Variants in PCLO observed in about 807,000 individuals in gnomAD.
The protein encoded by PCLO is protein piccolo.
PCLO carries 82 observed loss-of-function variants against 427.5 expected under a neutral mutation model. The ratio of observed to expected loss-of-function variants is 0.19; its 90% CI spans 0.16 to 0.23. PCLO has a LOEUF of 0.23. PCLO is among the 10% of genes least tolerant of loss of function. PCLO has a pLI of 1.00. For missense variants in PCLO, 6,239 were observed against 6,115.9 expected (o/e 1.02, Z -0.67); for synonymous variants, 2,357 against 2,155.4 (o/e 1.09, Z -2.59).
chr7:83,005,944 G>A (rs1449873630), intron 3 of PCLO, among the ~76,000 whole-genome samples: 1 of 151,612 alleles, frequency 6.6e-6, no homozygotes, highest in Non-Finnish European at 1.5e-5. Context: ...AGCCATTACA[G>A]TAAAATATAG....
intron 3 of PCLO, among the ~76,000 whole-genome samples, chr7:83,005,409 C>T (rs925954328): frequency 6.6e-5 from 10 of 151,378 alleles, no homozygotes; most frequent in African/African-American, 2.4e-4. Flanking sequence ...CTGCCAGGGG[C>T]TGGAAGTTGA....
At chr7:82,760,416 A>C (rs575552057) in intron 24 of PCLO, among the ~76,000 whole-genome samples, 1 of 152,064 alleles carries the variant, frequency 6.6e-6, no homozygotes, top group East Asian at 1.9e-4. Flanking sequence ...AATCTATGTA[A>C]AATAAACTCC....
intron 3 of PCLO, among the ~76,000 whole-genome samples, chr7:82,978,857 A>AAACAC (rs1562896084): frequency 1.6e-3 from 221 of 138,676 alleles, no homozygotes; most frequent in Middle Eastern, 3.5e-3. Flanking sequence ...CACACACACA[A>AAACAC]ACACACACAC....
chr7:83,155,444 C>A lies in PCLO; in HGVS notation c.1197G>T (p.Lys399Asn), dbSNP rs368626441. The A allele has an allele frequency of 3.1e-6, 5 of 1,613,600 alleles. No homozygotes were observed. The African/African-American group carries it at 6.7e-5, about 22-fold the overall frequency. Residue 399 changes from lysine to asparagine, a missense_variant, in exon 2 of 25, where the codon AAG becomes AAT. Transcript: ENST00000333891. ...CTGGCCCTGGCTGTTGAGCTGGAGT[C>A]TTTCCAACTCCAGGAGGCTGAGCTA... ...KALAQPPGVG[K>N]TPAQQPGPAK... is the part of the protein sequence containing the mutation.
In PCLO at chr7:82,949,687, T is replaced by C; in HGVS notation, c.10901A>G (p.Lys3634Arg). 1.2e-6 allele frequency: 2 copies of C among 1,613,802 alleles called. No homozygotes were observed. Among genetic ancestry groups the C allele is most frequent in the Non-Finnish European group, 1.7e-6 (2 of 1,179,836 alleles). Residue 3634 changes from lysine (K) to arginine (R), a missense_variant, in exon 6 of 25, where the codon AAA becomes AGA. This residue lies in a region of PCLO where 4,677 missense variants were observed against 4,468.4 expected (regional missense o/e 1.05). Coordinates refer to ENST00000333891, the MANE Select transcript of PCLO (RefSeq NM_033026.6). The part of the protein sequence containing the change: ...YSPISPLSPG[K>R]ALESAFVPYE... ...AGGTACAAAGGCTGATTCTAAGGCT[T>C]TGCCTGGTGAAAGTGGTGAGATGGG...
intron 3 of PCLO, among the ~76,000 whole-genome samples, chr7:83,005,567 C>A (rs1272045424): frequency 1.3e-5 from 2 of 151,434 alleles, no homozygotes; most frequent in African/African-American, 4.8e-5. Context: ...ATCTTAAGTA[C>A]CCTCACCACC....
At chr7:83,130,314 G>C (rs1370779715) in intron 3 of PCLO, among the ~76,000 whole-genome samples, 1 of 152,138 alleles carries the variant, frequency 6.6e-6, no homozygotes, top group African/African-American at 2.4e-5. Context: ...TGAGTAGCTA[G>C]GACTACAGGC....
intron 12 of PCLO, 150 bp downstream of exon 12, chr7:82,846,417 T>C (rs1792503093): frequency 1.7e-6 from 1 of 602,056 alleles, no homozygotes; most frequent in Non-Finnish European, 2.9e-6. Flanking sequence ...TTTATAATTA[T>C]ATAAATACAT....
chr7:82,953,827 A>T lies in PCLO; in HGVS notation c.7126T>A (p.Leu2376Ile). 1 of 1,612,220 alleles carries T rather than the reference A, an allele frequency of 6.2e-7. No individual in the cohort carries two copies. The highest frequency in any genetic ancestry group is 8.5e-7 in the Non-Finnish European group (1 of 1,178,924). The change falls in exon 5 of 25, where the codon TTA becomes ATA. Residue 2376 changes from leucine to isoleucine, a missense_variant. Physicochemically the swap from Leu to Ile is conservative, Grantham distance 5. Coordinates refer to ENST00000333891, the MANE Select transcript of PCLO (RefSeq NM_033026.6). ...GAAACAGAAGGACTGCCAGATGGTA[A>T]CTGAGATGCAGGTTTTTCCTGACCA... ...TFGQEKPASQ[L>I]PSGSPSVSSL...
chr7:82,967,136 T>C (rs1481057542), intron 3 of PCLO, among the ~76,000 whole-genome samples: 1 of 151,950 alleles, frequency 6.6e-6, no homozygotes, highest in African/African-American at 2.4e-5. Context: ...GTCTCAATTA[T>C]TTGGTATCTT....
rs1158699950 is a variant in PCLO, at chr7:83,154,810, T to C, written c.1831A>G (p.Thr611Ala). ...CTACAGACAGTGGTTTGACACTCAGTGCATGTGTTAAAATTGGCCTTTTCT... is the reference window on the plus strand; with the variant it reads ...CTACAGACAGTGGTTTGACACTCAGCGCATGTGTTAAAATTGGCCTTTTCT... ...VPEKANFNTC[T>A]ECQTTVCSLC... is the part of the protein sequence containing the mutation. Residue 611 changes from threonine (T) to alanine (A), a missense_variant, in exon 2 of 25, where the codon ACT becomes GCT. Coordinates refer to ENST00000333891, the MANE Select transcript of PCLO (RefSeq NM_033026.6). The C allele has an allele frequency of 6.2e-7, 1 of 1,613,866 alleles. No individual in the cohort carries two copies. The highest frequency in any genetic ancestry group is 1.3e-5 in the African/African-American group (1 of 74,924).
At chr7:82,815,566 A>G (rs898253128) in intron 20 of PCLO, among the ~76,000 whole-genome samples, 2 of 152,124 alleles carry the variant, frequency 1.3e-5, no homozygotes, top group Non-Finnish European at 2.9e-5. Context: ...ATGGTTTTCA[A>G]TTTGAAATGT....
At chr7:83,085,339 T>C (rs1303822270) in intron 3 of PCLO, among the ~76,000 whole-genome samples, 2 of 152,140 alleles carry the variant, frequency 1.3e-5, no homozygotes, top group African/African-American at 4.8e-5. Flanking sequence ...TTAATTGCTG[T>C]TTTTTCATGA....
rs192741758 is a variant in PCLO at position 82,899,524 on chromosome 7, A to G, written c.13528+3127T>C. Among the ~76,000 whole-genome samples, 185 of 151,676 alleles carry G rather than the reference A, an allele frequency of 1.2e-3. 1 individual carries two copies. Among genetic ancestry groups the G allele is most frequent in the Admixed American group, 3.6e-3 (55 of 15,170 alleles). ...TTTTCCTAAGACATATGGAAAATAT[A>G]TTCAGTAGTAATCAATACAGGGTAA... On this transcript the variant is annotated intron_variant, in intron 9 of 24. Coordinates refer to ENST00000333891, the MANE Select transcript of PCLO (RefSeq NM_033026.6).
At chr7:82,883,068 G>T (rs1295830172) in intron 9 of PCLO, among the ~76,000 whole-genome samples, 1 of 152,006 alleles carries the variant, frequency 6.6e-6, no homozygotes, top group Admixed American at 6.6e-5. Flanking sequence ...TCAACGGAAA[G>T]CAAAATTGGT....
At chr7:82,818,168 C>T (rs1008430782) in intron 20 of PCLO, among the ~76,000 whole-genome samples, 2 of 152,104 alleles carry the variant, frequency 1.3e-5, no homozygotes, top group Non-Finnish European at 2.9e-5. Context: ...TGTTTTTGCA[C>T]AATCTGTCTA....
At chr7:83,018,958 CT>C (rs1788274768) in intron 3 of PCLO, among the ~76,000 whole-genome samples, 1 of 151,804 alleles carries the variant, frequency 6.6e-6, no homozygotes, top group Non-Finnish European at 1.5e-5. Flanking sequence ...AAGAAAATAC[CT>C]TTTTGGAAGA....
chr7:83,076,991 G>GTATAA (rs200165591), intron 3 of PCLO, among the ~76,000 whole-genome samples: 113,613 of 150,638 alleles, frequency 0.75, 43,398 homozygotes, highest in African/African-American at 0.87. Context: ...ACAATTAAAA[G>GTATAA]TATAATAATT....
chr7:82,979,365 A>C (rs946857161), intron 3 of PCLO, among the ~76,000 whole-genome samples: 2 of 152,222 alleles, frequency 1.3e-5, no homozygotes, highest in African/African-American at 4.8e-5. Flanking sequence ...ATAACCAACC[A>C]TATGGATGCA....
Sources: gnomAD v4.1 joint callset for allele counts (sites outside exome capture counted in the v4.1 genomes callset) on GRCh38, gnomAD v4.1.1 for gene constraint, gnomAD v4.1.1 regional missense constraint, MANE v1.5 for transcripts, NCBI Gene and HGNC (gene_info 2026-07-23, HGNC 2026-07-21) for gene names.